HLCS: variants seen among roughly 807,000 people sequenced by gnomAD.
HLCS encodes holocarboxylase synthetase.
In HLCS, 53 loss-of-function variants were observed where a neutral mutation model predicts 75.0. The ratio of observed to expected loss-of-function variants is 0.71; its 90% confidence interval spans 0.57 to 0.89. The LOEUF is 0.89. HLCS is among the 40% of genes least tolerant of loss of function. The probability of loss-of-function intolerance (pLI) is 0.00; values close to 1 mark genes in which losing one functional copy is unlikely to be tolerated. For missense variants in HLCS, 966 were observed against 1,074.0 expected (o/e 0.90, Z 1.41); for synonymous variants, 431 against 428.6 (o/e 1.01, Z -0.07).
At chr21:36,861,768 T>C (rs2063389918) in intron 6 of HLCS, among the ~76,000 whole-genome samples, 1 of 152,230 alleles carries the variant, frequency 6.6e-6, no homozygotes, top group Admixed American at 6.5e-5. Context: ...AAATAATAGC[T>C]TTACTGAGAC....
chr21:36,967,429 G>GGGTCAACAGTTT (rs1428473249), upstream of HLCS, among the ~76,000 whole-genome samples: 3 of 152,076 alleles, frequency 2.0e-5, no homozygotes, highest in Non-Finnish European at 4.4e-5. Flanking sequence ...TGCTACATGT[G>GGGTCAACAGTTT]GGTCAACAGT....
intron 6 of HLCS, among the ~76,000 whole-genome samples, chr21:36,867,659 C>T (rs1407158942): frequency 1.3e-5 from 2 of 152,204 alleles, no homozygotes; most frequent in Non-Finnish European, 2.9e-5. Context: ...TTAAAGACGG[C>T]AGAGCCCCTG....
intron 6 of HLCS, among the ~76,000 whole-genome samples, chr21:36,792,598 C>T (rs1017421991): frequency 2.0e-5 from 3 of 152,114 alleles, no homozygotes; most frequent in Non-Finnish European, 4.4e-5. Context: ...CCTCCTTAGA[C>T]TGATGGGAGC....
intron 6 of HLCS, among the ~76,000 whole-genome samples, chr21:36,792,392 C>T (rs528849164): frequency 7.4e-5 from 11 of 148,556 alleles, no homozygotes; most frequent in South Asian, 4.3e-4. Context: ...AACATTCAAC[C>T]GTTTAGACCT....
At chr21:36,782,753 G>A (rs2060572176) in intron 6 of HLCS, among the ~76,000 whole-genome samples, 2 of 152,172 alleles carry the variant, frequency 1.3e-5, no homozygotes, top group Admixed American at 1.3e-4. Flanking sequence ...TGGATCACCT[G>A]AGGTCAGGAG....
intron 5 of HLCS, among the ~76,000 whole-genome samples, chr21:36,914,091 GC>G (rs1289535051): frequency 6.6e-6 from 1 of 152,202 alleles, no homozygotes; most frequent in Non-Finnish European, 1.5e-5. Flanking sequence ...CTCAAATCCT[GC>G]CCATCAATCT....
intron 1 of HLCS, among the ~76,000 whole-genome samples, chr21:36,965,947 A>G (rs1298157584): frequency 6.9e-6 from 1 of 144,956 alleles, no homozygotes; most frequent in Admixed American, 7.0e-5. Context: ...TTTTGTAGAG[A>G]GGGGTCTAGC....
At chr21:36,901,540 G>A (rs964146187) in intron 5 of HLCS, among the ~76,000 whole-genome samples, 13 of 152,218 alleles carry the variant, frequency 8.5e-5, no homozygotes, top group Non-Finnish European at 1.5e-4. Flanking sequence ...AAATGAACAC[G>A]TCAACGGGGC....
At chr21:36,921,418 C>A (rs1229883832) in intron 5 of HLCS, among the ~76,000 whole-genome samples, 1 of 120,008 alleles carries the variant, frequency 8.3e-6, no homozygotes, top group Non-Finnish European at 1.7e-5. Flanking sequence ...GCACTCCAGC[C>A]TGGGTAAGAG....
chr21:36,956,581 T>G (rs546215325), intron 2 of HLCS, among the ~76,000 whole-genome samples: 1 of 151,586 alleles, frequency 6.6e-6, no homozygotes, highest in East Asian at 1.9e-4. Context: ...ACAAAAAAAA[T>G]TAGCCGGGTG....
chr21:36,815,859 C>T (rs1444070506), intron 6 of HLCS, among the ~76,000 whole-genome samples: 3 of 152,172 alleles, frequency 2.0e-5, no homozygotes, highest in South Asian at 2.1e-4. Flanking sequence ...ACCTTTGACT[C>T]AAGACAGAAA....
At chr21:36,779,633 T>C (rs960901357) in intron 6 of HLCS, among the ~76,000 whole-genome samples, 2 of 152,218 alleles carry the variant, frequency 1.3e-5, no homozygotes, top group African/African-American at 4.8e-5. Flanking sequence ...GAGTTCAATA[T>C]TTGTTTACAG....
intron 6 of HLCS, among the ~76,000 whole-genome samples, chr21:36,853,263 A>G (rs2063075241): frequency 6.6e-6 from 1 of 152,206 alleles, no homozygotes; most frequent in East Asian, 1.9e-4. Flanking sequence ...GAGTTCAGGC[A>G]CACAAAGCTC....
chr21:36,866,609 G>C (rs941144398), intron 6 of HLCS, among the ~76,000 whole-genome samples: 3 of 152,200 alleles, frequency 2.0e-5, no homozygotes, highest in African/African-American at 7.2e-5. Context: ...ATTCACAGAG[G>C]AAACACAGGG....
intron 1 of HLCS, among the ~76,000 whole-genome samples, chr21:36,975,679 G>A (rs117174401): frequency 0.011 from 1,708 of 152,126 alleles, 16 homozygotes; most frequent in Non-Finnish European, 0.016. Context: ...AGGCTGAGGC[G>A]GGAGAACTGC....
chr21:36,979,959 G>A (rs901809853), intron 1 of HLCS, among the ~76,000 whole-genome samples: 2 of 148,218 alleles, frequency 1.3e-5, no homozygotes, highest in African/African-American at 5.0e-5. Flanking sequence ...TGGGGAGGTC[G>A]AGGCTGCAGT....
intron 2 of HLCS, among the ~76,000 whole-genome samples, chr21:36,949,818 A>G (rs1477427072): frequency 6.6e-6 from 1 of 152,250 alleles, no homozygotes; most frequent in African/African-American, 2.4e-5. Context: ...CCTGCTGAGC[A>G]TGAGTAACAT....
At chr21:36,827,079 G>C (rs1408887459) in intron 6 of HLCS, among the ~76,000 whole-genome samples, 2 of 152,076 alleles carry the variant, frequency 1.3e-5, no homozygotes, top group Admixed American at 1.3e-4. Context: ...TGCTTAAGGC[G>C]GCCCAATAGA....
chr21:36,947,406 G>A, intron 2 of HLCS: 1 of 985,430 alleles, frequency 1.0e-6, no homozygotes, highest in Non-Finnish European at 1.2e-6. Flanking sequence ...AGCAGCGCTG[G>A]GTGCTCCGAT....
Sources: gnomAD v4.1 joint callset for allele counts (sites outside exome capture counted in the v4.1 genomes callset) on GRCh38, gnomAD v4.1.1 for gene constraint, MANE v1.5 for transcripts, NCBI Gene and HGNC (gene_info 2026-07-23, HGNC 2026-07-21) for gene names.